Variants in SLC5A11 observed in about 807,000 individuals in gnomAD.
SLC5A11 encodes the protein sodium/myo-inositol cotransporter 2.
A neutral mutation model predicts 69.8 loss-of-function variants in SLC5A11; 48 were observed. That is an observed-to-expected ratio of 0.69 (90% CI 0.55 to 0.87). SLC5A11 has a LOEUF of 0.87. Among genes scored for constraint, SLC5A11 ranks in the 40% least tolerant of loss-of-function variants. SLC5A11 has a pLI of 0.00. For missense variants in SLC5A11, 784 were observed against 866.1 expected, an observed-to-expected ratio of 0.91 and a Z score of 1.19; for synonymous variants, 319 against 342.4, an observed-to-expected ratio of 0.93 and a Z score of 0.75.
In SLC5A11 at chr16:24,908,236, G is replaced by T; in HGVS notation, c.1434+105G>T. The T allele has an allele frequency of 2.3e-6, 3 of 1,296,386 alleles. No individual in the cohort carries two copies. In the South Asian group the frequency reaches 4.4e-5, roughly 19 times the overall value. 80.3% of individuals were successfully genotyped at this position (1,296,386 alleles called of 1,614,324 possible). ...TGGAGGGAGACACAGGCTGGAATTG[G>T]GTGTTGAGAGGGAGGGTGAGTTCCA... On this transcript the variant is annotated intron_variant, in intron 13 of 15. Coordinates refer to ENST00000347898, the Ensembl canonical transcript of SLC5A11.
intron 7 of SLC5A11, among the ~76,000 whole-genome samples, chr16:24,882,246 C>G (rs2048096255): frequency 6.6e-6 from 1 of 152,160 alleles, no homozygotes; most frequent in South Asian, 2.1e-4. Context: ...ATGATCCCCA[C>G]AGTGCCTGGC....
At chr16:24,859,798 C>T (rs1278773224) in intron 2 of SLC5A11, among the ~76,000 whole-genome samples, 3 of 152,120 alleles carry the variant, frequency 2.0e-5, no homozygotes, top group African/African-American at 4.8e-5. Flanking sequence ...TAACTAGTCT[C>T]GGGCTGAAGG....
exon 13 of SLC5A11, chr16:24,907,963 G>T (rs563685038): frequency 1.4e-5 from 22 of 1,614,052 alleles, no homozygotes; most frequent in Non-Finnish European, 1.9e-5. Context: ...CCGGCACCAG[G>T]GTGTTTGTGC....
At chr16:24,898,740 G>A (rs549163783) in intron 10 of SLC5A11, among the ~76,000 whole-genome samples, 107 of 152,028 alleles carry the variant, frequency 7.0e-4, no homozygotes, top group African/African-American at 2.4e-3. Context: ...GGATGGTCTC[G>A]ATCTCCTGAC....
chr16:24,881,842 C>T (rs2048065832), intron 7 of SLC5A11, among the ~76,000 whole-genome samples: 1 of 151,890 alleles, frequency 6.6e-6, no homozygotes, highest in African/African-American at 2.4e-5. Flanking sequence ...AGCAGCAACC[C>T]TGGTGGTAAG....
chr16:24,849,589 A>ATACATATATATATATATATAT (rs60706405), intron 1 of SLC5A11, among the ~76,000 whole-genome samples: 1 of 63,774 alleles, frequency 1.6e-5, no homozygotes, highest in Non-Finnish European at 3.3e-5. Context: ...AAAAAAAAAA[A>ATACATATATATATATATATAT]AAAAATATAT....
At chr16:24,884,111 C>T in exon 8 of SLC5A11, 1 of 1,614,072 alleles carries the variant, frequency 6.2e-7, no homozygotes, top group Non-Finnish European at 8.5e-7. Flanking sequence ...CTTATAGGAG[C>T]GCTCACCTTG....
rs189413809 is a variant in SLC5A11, at chr16:24,857,624, C to T, written c.-24-996C>T. On this transcript the variant is annotated intron_variant, in intron 1 of 15. Transcript: ENST00000347898. Reference sequence around the variant, plus strand: ...ATTACCCCATCTTCAAATCTAACAACGTTGAGTGAAATCCTTCTCATGCTG... The same window carrying T: ...ATTACCCCATCTTCAAATCTAACAATGTTGAGTGAAATCCTTCTCATGCTG... Among the ~76,000 whole-genome samples the T allele has an allele frequency of 4.6e-3, 695 of 152,250 alleles. 13 individuals carry two copies. The highest frequency in any genetic ancestry group is 3.0e-3 in the Non-Finnish European group (202 of 68,022).
rs773900924 is a variant in SLC5A11 at position 24,884,019 on chromosome 16, C to T, written c.584-32C>T. On this transcript the variant is annotated intron_variant, in intron 7 of 15. Coordinates refer to ENST00000347898, the Ensembl canonical transcript of SLC5A11. ...AGAGTAACCCCTTCTCGTTAGACTC[C>T]CTGACCCTCACCTCCGTGCTCATCC... 23 of 1,608,680 alleles carry T rather than the reference C, an allele frequency of 1.4e-5. 1 individual carries two copies. In the South Asian group the frequency reaches 2.4e-4, roughly 17 times the overall value.
At chr16:24,870,735 G>C (rs570198519) in intron 4 of SLC5A11, among the ~76,000 whole-genome samples, 1 of 124,170 alleles carries the variant, frequency 8.1e-6, no homozygotes, top group African/African-American at 3.1e-5. Flanking sequence ...AGGTGAGATT[G>C]TAACACTGCA....
chr16:24,873,552 T>C (rs2047473154), intron 5 of SLC5A11, among the ~76,000 whole-genome samples: 1 of 151,654 alleles, frequency 6.6e-6, no homozygotes, highest in Non-Finnish European at 1.5e-5. Context: ...GGCAAGAGGA[T>C]GGGAGACTGA....
chr16:24,855,684 A>AAAT (rs1196831020), intron 1 of SLC5A11, among the ~76,000 whole-genome samples: 1 of 151,704 alleles, frequency 6.6e-6, no homozygotes, highest in Admixed American at 6.6e-5. Context: ...ATAAATAAAT[A>AAAT]AATAAATAAA....
rs2048216905 is a variant in SLC5A11, at chr16:24,883,963, G to A, written c.584-88G>A. The A allele has an allele frequency of 4.1e-6, 5 of 1,220,974 alleles. No individual in the cohort carries two copies. In the Admixed American group the frequency reaches 9.0e-5, roughly 22 times the overall value. 75.6% of individuals were successfully genotyped at this position (1,220,974 alleles called of 1,614,324 possible). A position where few individuals can be genotyped will look rare whatever the true frequency, so the allele number is the denominator to read the frequency against. ...TCAGCACTAAGAAATCTCCCATCGGGTCCTGGCCTTCCAGGTTCCCTTGGT... is the reference window on the plus strand; with the variant it reads ...TCAGCACTAAGAAATCTCCCATCGGATCCTGGCCTTCCAGGTTCCCTTGGT... On this transcript the variant is annotated intron_variant, in intron 7 of 15. Coordinates refer to ENST00000347898, the Ensembl canonical transcript of SLC5A11.
intron 9 of SLC5A11, among the ~76,000 whole-genome samples, chr16:24,895,784 G>T (rs937348327): frequency 6.6e-6 from 1 of 152,172 alleles, no homozygotes; most frequent in Non-Finnish European, 1.5e-5. Context: ...AACAAAAACT[G>T]CATATTTCAC....
At chr16:24,849,593 AAT>A (rs1555515955) in intron 1 of SLC5A11, among the ~76,000 whole-genome samples, 993 of 35,784 alleles carry the variant, frequency 0.028, 60 homozygotes, top group African/African-American at 0.073. Flanking sequence ...AAAAAAAAAA[AAT>A]ATATATATAT....
At chr16:24,882,726 A>AC (rs2048125503) in intron 7 of SLC5A11, among the ~76,000 whole-genome samples, 1 of 152,082 alleles carries the variant, frequency 6.6e-6, no homozygotes, top group Non-Finnish European at 1.5e-5. Context: ...GCTCACTGCA[A>AC]CCTCTGCCTC....
intron 10 of SLC5A11, among the ~76,000 whole-genome samples, chr16:24,898,841 G>T (rs1161626259): frequency 6.6e-6 from 1 of 151,906 alleles, no homozygotes; most frequent in Non-Finnish European, 1.5e-5. Context: ...TTTAAAGACA[G>T]GGTCTCACTT....
At chr16:24,848,333 G>T (rs1055951696) in intron 1 of SLC5A11, among the ~76,000 whole-genome samples, 2 of 151,490 alleles carry the variant, frequency 1.3e-5, no homozygotes, top group Non-Finnish European at 2.9e-5. Context: ...GCAAGGCTGG[G>T]TGAGGTGGCT....
intron 8 of SLC5A11, among the ~76,000 whole-genome samples, chr16:24,889,481 C>T (rs1395122068): frequency 6.7e-6 from 1 of 149,286 alleles, no homozygotes; most frequent in Non-Finnish European, 1.5e-5. Flanking sequence ...GACCCTGTCT[C>T]TAAGAACAAA....
Sources: gnomAD v4.1 joint callset for allele counts (sites outside exome capture counted in the v4.1 genomes callset) on GRCh38, gnomAD v4.1.1 for gene constraint, MANE v1.5 for transcripts, NCBI Gene and HGNC (gene_info 2026-07-23, HGNC 2026-07-21) for gene names.